The following INTS6 variants were observed in gnomAD, a reference collection of about 807,000 sequenced individuals.
INTS6 encodes the protein integrator complex subunit 6.
A neutral mutation model predicts 104.9 loss-of-function variants in INTS6; 16 were observed. The observed-to-expected ratio is 0.15, with a 90% CI of 0.10 to 0.23. The LOEUF is 0.23. Among genes scored for constraint, INTS6 ranks in the 10% least tolerant of loss-of-function variants. INTS6 has a pLI of 1.00. For missense variants in INTS6, 584 were observed against 1,062.8 expected, an observed-to-expected ratio of 0.55 and a Z score of 6.26; for synonymous variants, 324 against 358.7, an observed-to-expected ratio of 0.90 and a Z score of 1.09.
In INTS6 at chr13:51,364,209, A is replaced by G. The variant is rs1333129095; in HGVS notation, c.*1543T>C. The G allele has an allele frequency of 8.4e-7, 1 of 1,192,814 alleles. No individual in the cohort carries two copies. The highest frequency in any genetic ancestry group is 1.2e-6 in the Non-Finnish European group (1 of 854,402). The allele number at this position is 1,192,814 out of a possible 1,614,324, so 73.9% of individuals were successfully genotyped here. On this transcript the variant is annotated 3_prime_UTR_variant, in exon 18 of 18. Transcript: ENST00000311234. ...AAAGAACTGCATATGAAAATACTAT[A>G]TAATATTAAATTCTTCTTTTTCTTG... is the stretch of plus-strand genomic sequence containing the variant.
chr13:51,350,228 T>G (rs745649673), downstream of INTS6, among the ~76,000 whole-genome samples: 17 of 152,172 alleles, frequency 1.1e-4, no homozygotes, highest in Non-Finnish European at 2.2e-4. Flanking sequence ...AGTGCACTAG[T>G]AGATTCTGGA....
downstream of INTS6, among the ~76,000 whole-genome samples, chr13:51,352,927 C>T (rs1391976161): frequency 6.6e-6 from 1 of 151,868 alleles, no homozygotes; most frequent in African/African-American, 2.4e-5. Flanking sequence ...TATGTTGAAC[C>T]CACTTTGCAT....
At chr13:51,427,001 A>G (rs139245735) in intron 4 of INTS6, among the ~76,000 whole-genome samples, 41 of 152,274 alleles carry the variant, frequency 2.7e-4, no homozygotes, top group Non-Finnish European at 5.0e-4. Flanking sequence ...TTTGTAAAAT[A>G]TAAGACTAAA....
the INTS6 span, among the ~76,000 whole-genome samples, chr13:51,343,958 G>T: frequency 6.6e-6 from 1 of 152,208 alleles, no homozygotes. Context: ...AATTAAGGAA[G>T]AATATCCTCT....
intron 3 of INTS6, among the ~76,000 whole-genome samples, chr13:51,433,425 G>A (rs1236454074): frequency 3.9e-5 from 6 of 152,332 alleles, no homozygotes; most frequent in Non-Finnish European, 2.9e-5. Flanking sequence ...TCCAGCCTGG[G>A]CGACAGAGTG....
chr13:51,361,367 A>G (rs779346567), downstream of INTS6: 21 of 1,586,168 alleles, frequency 1.3e-5, no homozygotes, highest in Non-Finnish European at 1.8e-5. Context: ...AGCCACAGGT[A>G]TGTTCAGAGA....
the INTS6 span, chr13:51,341,294 C>A: frequency 6.2e-7 from 1 of 1,613,386 alleles, no homozygotes; most frequent in African/African-American, 1.3e-5. Flanking sequence ...CAGTTTGGAG[C>A]AGAAGGGAGC....
At chr13:51,399,102 G>C (rs922735578) in intron 4 of INTS6, among the ~76,000 whole-genome samples, 1 of 152,038 alleles carries the variant, frequency 6.6e-6, no homozygotes, top group African/African-American at 2.4e-5. Flanking sequence ...TTGTCTCTTT[G>C]GTTTATGGCT....
chr13:51,382,461 T>G (rs192050709), intron 9 of INTS6, among the ~76,000 whole-genome samples: 1 of 152,362 alleles, frequency 6.6e-6, no homozygotes, highest in African/African-American at 2.4e-5. Context: ...ATATTTTGAC[T>G]ATAACTTTTA....
chr13:51,395,884 G>A (rs1956327600), intron 4 of INTS6, among the ~76,000 whole-genome samples: 1 of 152,108 alleles, frequency 6.6e-6, no homozygotes, highest in South Asian at 2.1e-4. Context: ...TGCAACCTCT[G>A]CCTCCTGGGT....
intron 4 of INTS6, chr13:51,422,970 C>G: frequency 1.1e-6 from 1 of 920,032 alleles, no homozygotes; most frequent in Non-Finnish European, 1.5e-6. Context: ...GTCTCAGAAC[C>G]TTCTGTTTAT....
chr13:51,365,878 C>T, intron 17 of INTS6, 33 bp from the exon 18 acceptor site: 1 of 1,292,880 alleles, frequency 7.7e-7, no homozygotes, highest in Non-Finnish European at 1.1e-6. Context: ...CTCTCAATTA[C>T]TTTTTAATGA....
chr13:51,395,407 AAG>A lies in INTS6; in HGVS notation c.504_505del (p.Phe169CysfsTer24). 6.2e-7 allele frequency: 1 copy of A among 1,613,992 alleles called. No homozygotes were observed. The highest frequency in any genetic ancestry group is 2.2e-5 in the East Asian group (1 of 44,858). On this transcript the variant is annotated frameshift_variant, in exon 5 of 18. Transcript: ENST00000311234. LOFTEE classifies it high-confidence loss of function. ...GCCAGGCAACCGCAACACTAATGCAAAGAGTCTCTGATCCCAACGAAAAGGTT... is the reference window on the plus strand; with the variant it reads ...GCCAGGCAACCGCAACACTAATGCAAAGTCTCTGATCCCAACGAAAAGGTT...
chr13:51,395,814 TTTTTCTTTTC>T (rs558125263), intron 4 of INTS6, among the ~76,000 whole-genome samples: 1 of 152,146 alleles, frequency 6.6e-6, no homozygotes, highest in African/African-American at 2.4e-5. Context: ...AGATATGTTA[TTTTTCTTTTC>T]TTTTCTTTTC....
the INTS6 span, among the ~76,000 whole-genome samples, chr13:51,345,333 T>C: frequency 6.6e-6 from 1 of 151,980 alleles, no homozygotes; most frequent in Non-Finnish European, 1.5e-5. Context: ...CCAGTGTTGG[T>C]TAAAAAGCAA....
chr13:51,426,310 C>T (rs1956985052), intron 4 of INTS6, among the ~76,000 whole-genome samples: 1 of 152,000 alleles, frequency 6.6e-6, no homozygotes, highest in South Asian at 2.1e-4. Context: ...ACATACTTAG[C>T]CAGGTCAAGA....
chr13:51,335,364 G>A, the INTS6 span, among the ~76,000 whole-genome samples: 21 of 152,192 alleles, frequency 1.4e-4, no homozygotes, highest in Non-Finnish European at 2.4e-4. Flanking sequence ...TTCAGAAGAG[G>A]AAACAGAAAA....
the INTS6 span, among the ~76,000 whole-genome samples, chr13:51,336,274 G>A: frequency 6.6e-6 from 1 of 152,142 alleles, no homozygotes; most frequent in African/African-American, 2.4e-5. Context: ...GATCACTTGA[G>A]GCCAGGAGTT....
intron 4 of INTS6, among the ~76,000 whole-genome samples, chr13:51,401,870 A>T (rs755012642): frequency 9.9e-5 from 15 of 152,186 alleles, no homozygotes; most frequent in Non-Finnish European, 1.6e-4. Context: ...CTGCATTTTT[A>T]AAAAATCAAA....
Sources: gnomAD v4.1 joint callset for allele counts (sites outside exome capture counted in the v4.1 genomes callset) on GRCh38, gnomAD v4.1.1 for gene constraint, MANE v1.5 for transcripts, NCBI Gene and HGNC (gene_info 2026-07-23, HGNC 2026-07-21) for gene names.